Variants in MBTPS1 observed in about 807,000 individuals in gnomAD.
The protein encoded by MBTPS1 is membrane-bound transcription factor site-1 protease.
In MBTPS1, 94 loss-of-function variants were observed where a neutral mutation model predicts 127.8. The ratio of observed to expected loss-of-function variants is 0.74; its 90% CI spans 0.62 to 0.87. The LOEUF (loss-of-function observed/expected upper bound fraction) is 0.87, where lower values mean the gene tolerates loss of function less well. Ranked by LOEUF, MBTPS1 falls within the 40% of genes least tolerant of loss-of-function variation. The pLI is 0.00. For missense variants in MBTPS1, 1,636 were observed against 1,353.2 expected, an observed-to-expected ratio of 1.21 and a Z score of -3.28; for synonymous variants, 632 against 509.4, an observed-to-expected ratio of 1.24 and a Z score of -3.24.
intron 10 of MBTPS1, among the ~76,000 whole-genome samples, chr16:84,084,504 T>C (rs2085989741): frequency 6.6e-6 from 1 of 152,258 alleles, no homozygotes; most frequent in African/African-American, 2.4e-5. Flanking sequence ...CTTTTTACTA[T>C]CTATATGTAT....
chr16:84,095,788 A>G lies in MBTPS1; in HGVS notation c.439T>C (p.Cys147Arg). 6.2e-7 allele frequency: 1 copy of G among 1,613,888 alleles called. No individual in the cohort carries two copies. The highest frequency in any genetic ancestry group is 1.6e-4 in the Middle Eastern group (1 of 6,062). The change falls in exon 4 of 23, where the codon TGC (cysteine) becomes CGC (arginine). Residue 147 changes from cysteine (C) to arginine (R), a missense_variant. Physicochemically the swap from Cys to Arg is radical, Grantham distance 180. Coordinates refer to ENST00000343411, the MANE Select transcript of MBTPS1 (RefSeq NM_003791.4). ...TTCTGGCTCCACCGGGTTTCATTGC[A>G]GGGTACTGTGGGGTCAGCTACAGGC... The part of the protein sequence containing the change: ...KYAESDPTVP[C>R]NETRWSQKWQ...
At position 84,093,197 on chromosome 16, in the gene MBTPS1, G is replaced by C; in HGVS notation, c.837C>G (p.Thr279=). ...DAELHIFRVF[T]NNQVSYTSWF... ...TCCTCAAAACACCTACCTGATTATT[G>C]GTAAAGACCCTGAAAATGTGAAGTT... Residue 279 remains threonine (T), a synonymous_variant, in exon 6 of 23, where the codon ACC becomes ACG. Transcript: ENST00000343411. 6.2e-7 allele frequency: 1 copy of C among 1,609,328 alleles called. No individual in the cohort carries two copies.
At position 84,081,836 on chromosome 16, in the gene MBTPS1, G is replaced by A. The variant is rs746455539; in HGVS notation, c.1359C>T (p.Leu453=). 1.3e-6 allele frequency: 2 copies of A among 1,533,118 alleles called. No individual in the cohort carries two copies. The highest frequency in any genetic ancestry group is 1.8e-6 in the Non-Finnish European group (2 of 1,138,346). The allele number at this position is 1,533,118 out of a possible 1,614,324, so 95.0% of individuals were successfully genotyped here. ...KQALIASARR[L]PGVNMFEQGH... ...CTTGCTCAAACATGTTGACCCCGGG[G>A]AGCCTCCGGGCTGACGCGATCAGGG... The change falls in exon 11 of 23, where the codon CTC becomes CTT. Residue 453 remains leucine, a synonymous_variant. Transcript: ENST00000343411.
chr16:84,111,337 C>T (rs868209746), intron 1 of MBTPS1, among the ~76,000 whole-genome samples: 35 of 152,234 alleles, frequency 2.3e-4, no homozygotes, highest in Admixed American at 6.5e-4. Flanking sequence ...GTCAGGCGTT[C>T]GAGACCAGCC....
At chr16:84,063,545 A>G in intron 18 of MBTPS1, 100 bp from the exon 19 acceptor site, 1 of 1,159,632 alleles carries the variant, frequency 8.6e-7, no homozygotes, top group Non-Finnish European at 1.2e-6. Context: ...CCACATTTAC[A>G]AAATCTAATA....
intron 18 of MBTPS1, 119 bp from the exon 19 acceptor site, chr16:84,063,564 A>C (rs1447946727): frequency 1.0e-6 from 1 of 956,550 alleles, no homozygotes; most frequent in Non-Finnish European, 1.6e-6. Flanking sequence ...TATTCAATTA[A>C]AACATTGCAA....
intron 21 of MBTPS1, chr16:84,057,388 CT>C (rs2085538105): frequency 6.6e-6 from 1 of 152,214 alleles, no homozygotes; most frequent in African/African-American, 2.4e-5. Flanking sequence ...GAATCTCATT[CT>C]TTGGTGATGG....
At chr16:84,098,746 G>A (rs1010402604) in intron 3 of MBTPS1, among the ~76,000 whole-genome samples, 1 of 152,222 alleles carries the variant, frequency 6.6e-6, no homozygotes, top group African/African-American at 2.4e-5. Context: ...AAGGCTTTGA[G>A]ATGAAGCTGG....
chr16:84,072,779 C>T (rs1291441129), intron 12 of MBTPS1, among the ~76,000 whole-genome samples: 3 of 152,016 alleles, frequency 2.0e-5, no homozygotes, highest in Admixed American at 1.3e-4. Flanking sequence ...GAGAGCGAGA[C>T]TCCGTCTCAG....
At chr16:84,073,123 T>G (rs1212615591) in intron 12 of MBTPS1, among the ~76,000 whole-genome samples, 1 of 152,186 alleles carries the variant, frequency 6.6e-6, no homozygotes, top group Admixed American at 6.5e-5. Context: ...ACTGGTGCCA[T>G]GCATATAGTT....
intron 21 of MBTPS1, chr16:84,057,877 T>C (rs946664650): frequency 3.9e-5 from 6 of 152,224 alleles, no homozygotes; most frequent in Admixed American, 6.5e-5. Context: ...AACAGGTAGA[T>C]AGCCAAGGAT....
intron 15 of MBTPS1, 55 bp from the exon 16 acceptor site, chr16:84,067,878 AC>A: frequency 6.5e-7 from 1 of 1,541,046 alleles, no homozygotes; most frequent in Non-Finnish European, 8.9e-7. Flanking sequence ...ACAGGACACC[AC>A]CACGGCAGAA....
At chr16:84,114,812 GAGC>G (rs2086448304) in intron 1 of MBTPS1, among the ~76,000 whole-genome samples, 1 of 141,306 alleles carries the variant, frequency 7.1e-6, no homozygotes, top group African/African-American at 2.8e-5. Flanking sequence ...CTGGGCGACA[GAGC>G]GAGACTCTGT....
intron 11 of MBTPS1, among the ~76,000 whole-genome samples, chr16:84,080,276 TA>T (rs1301521841): frequency 1.3e-5 from 2 of 152,180 alleles, no homozygotes; most frequent in African/African-American, 4.8e-5. Flanking sequence ...GAGTTCCAAT[TA>T]ATCAATGTAA....
chr16:84,055,712 G>A (rs1170573041), intron 22 of MBTPS1, among the ~76,000 whole-genome samples: 1 of 152,228 alleles, frequency 6.6e-6, no homozygotes, highest in Non-Finnish European at 1.5e-5. Context: ...TTCATAAAGA[G>A]CGTGCAAGTT....
At position 84,105,780 on chromosome 16, in the gene MBTPS1, A is replaced by G. The variant is rs183321545; in HGVS notation, c.-324-3673T>C. ...AGAGCACAGAGATAAAACACAGCCC[A>G]ACGACGAGACTGCTGAGCTCCTGTG... On this transcript the variant is annotated intron_variant, in intron 1 of 22. Transcript: ENST00000343411. 1.6e-3 allele frequency among the ~76,000 whole-genome samples: 239 copies of G among 152,278 alleles called. 2 individuals are homozygous for G. Among genetic ancestry groups the G allele is most frequent in the African/African-American group, 5.3e-3 (221 of 41,568 alleles).
chr16:84,101,642 A>G lies in MBTPS1; in HGVS notation c.142T>C (p.Ser48Pro). The G allele has an allele frequency of 6.2e-7, 1 of 1,613,848 alleles. No homozygotes were observed. Among genetic ancestry groups the G allele is most frequent in the Non-Finnish European group, 8.5e-7 (1 of 1,179,846 alleles). ...TTACCATATTCCACAACTGTTGATG[A>G]GAATTCCACCTTCAAAGTCAGGTGG... Reference protein sequence around the residue: ...CSHLTLKVEFSSTVVEYEYIV... With the variant: ...CSHLTLKVEFPSTVVEYEYIV... The change falls in exon 2 of 23, where the codon TCA (serine) becomes CCA (proline). Residue 48 changes from serine (S) to proline (P), a missense_variant. Physicochemically the swap from Ser to Pro is moderately conservative, Grantham distance 74 (BLOSUM62 -1). Coordinates refer to ENST00000343411, the MANE Select transcript of MBTPS1 (RefSeq NM_003791.4).
intron 9 of MBTPS1, among the ~76,000 whole-genome samples, chr16:84,085,576 C>A (rs1372068427): frequency 1.0e-5 from 1 of 97,692 alleles, no homozygotes; most frequent in African/African-American, 3.4e-5. Flanking sequence ...CACCCGCCCC[C>A]CCCCCAAAAA....
Position 84,070,700 on chromosome 16 carries a change from G to C in MBTPS1, c.1670C>G (p.Pro557Arg). ...GGAGATGGCCAGGTAGCCCGACCAA[G>C]GCCATAAGACCGAGGAGTAGGAGAA... Reference protein sequence around the residue: ...VAFSYSSVLWPWSGYLAISIS... With the variant: ...VAFSYSSVLWRWSGYLAISIS... Residue 557 changes from proline (P) to arginine (R), a missense_variant, in exon 13 of 23, where the codon CCT (proline) becomes CGT (arginine). Transcript: ENST00000343411. The C allele has an allele frequency of 6.2e-7, 1 of 1,614,112 alleles. No homozygotes were observed. Among genetic ancestry groups the C allele is most frequent in the South Asian group, 1.1e-5 (1 of 91,068 alleles).
Sources: allele counts gnomAD v4.1 joint callset (sites outside exome capture counted in the v4.1 genomes callset), GRCh38; gene constraint gnomAD v4.1.1; transcripts MANE v1.5; gene names NCBI Gene and HGNC (gene_info 2026-07-23, HGNC 2026-07-21).